The following RCAN2 variants were observed in gnomAD, a reference collection of about 807,000 sequenced individuals.
The protein encoded by RCAN2 is regulator of calcineurin 2.
Under a neutral mutation model 23.6 loss-of-function variants are expected in RCAN2, and 9 were observed. The ratio of observed to expected loss-of-function variants is 0.38; its 90% CI spans 0.23 to 0.67. RCAN2 has a LOEUF of 0.67. Ranked by LOEUF, RCAN2 falls within the 30% of genes least tolerant of loss-of-function variation. RCAN2 has a pLI of 0.51. For missense variants in RCAN2, 273 were observed against 302.3 expected, an observed-to-expected ratio of 0.90 and a Z score of 0.72; for synonymous variants, 109 against 115.7, an observed-to-expected ratio of 0.94 and a Z score of 0.37.
At chr6:46,273,608 A>T (rs1198911979) in intron 2 of RCAN2, among the ~76,000 whole-genome samples, 1 of 152,214 alleles carries the variant, frequency 6.6e-6, no homozygotes, top group Non-Finnish European at 1.5e-5. Context: ...CCTTTATCAC[A>T]TGAGAAAAAA....
chr6:46,471,865 T>G (rs1768565370), intron 1 of RCAN2, among the ~76,000 whole-genome samples: 1 of 152,070 alleles, frequency 6.6e-6, no homozygotes, highest in Admixed American at 6.6e-5. Flanking sequence ...GGAACCTTCT[T>G]CAACAGTCAA....
upstream of RCAN2, among the ~76,000 whole-genome samples, chr6:46,491,669 T>TA (rs1769159953): frequency 6.6e-6 from 1 of 151,642 alleles, no homozygotes; most frequent in African/African-American, 2.4e-5. Flanking sequence ...CCCCCTCCTT[T>TA]CCACTTCAGG....
chr6:46,473,651 T>C (rs1386805169), intron 1 of RCAN2, among the ~76,000 whole-genome samples: 1 of 152,200 alleles, frequency 6.6e-6, no homozygotes, highest in Admixed American at 6.5e-5. Context: ...AAACTATGCA[T>C]TATCCAAAAC....
intron 1 of RCAN2, among the ~76,000 whole-genome samples, chr6:46,474,513 G>C (rs772813299): frequency 6.6e-6 from 1 of 152,102 alleles, no homozygotes; most frequent in Non-Finnish European, 1.5e-5. Context: ...AGTTGGAGAG[G>C]GGCATATGGA....
chr6:46,403,990 G>A (rs1318592172), intron 2 of RCAN2, among the ~76,000 whole-genome samples: 1 of 152,172 alleles, frequency 6.6e-6, no homozygotes, highest in Non-Finnish European at 1.5e-5. Flanking sequence ...GGGAGGTCGA[G>A]GAGGGTGGAT....
chr6:46,484,162 T>A (rs1260815732), intron 1 of RCAN2, among the ~76,000 whole-genome samples: 2 of 152,284 alleles, frequency 1.3e-5, no homozygotes, highest in Admixed American at 6.5e-5. Flanking sequence ...TGGGGGAAAA[T>A]AATTCAAATT....
At chr6:46,385,209 A>T (rs1452978008) in intron 2 of RCAN2, among the ~76,000 whole-genome samples, 1 of 152,190 alleles carries the variant, frequency 6.6e-6, no homozygotes, top group African/African-American at 2.4e-5. Context: ...CAGGAGGATG[A>T]CTCCAACCCA....
chr6:46,381,664 G>T (rs1765619036), intron 2 of RCAN2, among the ~76,000 whole-genome samples: 1 of 152,124 alleles, frequency 6.6e-6, no homozygotes. Context: ...CTCAGGAAAG[G>T]CTCAGTCCAT....
intron 2 of RCAN2, among the ~76,000 whole-genome samples, chr6:46,250,399 T>C (rs1444671116): frequency 6.6e-6 from 1 of 152,212 alleles, no homozygotes; most frequent in East Asian, 1.9e-4. Context: ...ACAACCAACC[T>C]GATTCTTTTA....
intron 2 of RCAN2, among the ~76,000 whole-genome samples, chr6:46,456,392 A>G (rs948345485): frequency 1.3e-5 from 2 of 152,206 alleles, no homozygotes; most frequent in African/African-American, 2.4e-5. Flanking sequence ...TGAGAAAGGC[A>G]AATTATATTT....
Position 46,270,465 on chromosome 6 carries a change from C to T in RCAN2, c.226-21569G>A, listed in dbSNP as rs191935746. Among the ~76,000 whole-genome samples the T allele has an allele frequency of 2.6e-4, 39 of 152,222 alleles. No individual in the cohort carries two copies. In the East Asian group the frequency reaches 7.3e-3, roughly 29 times the overall value. ...AGCTGGCATCGTGGAGAAGGTGGGC[C>T]CCAGAGTCAGACTGAGCTTCTCGTC... On this transcript the variant is annotated intron_variant, in intron 2 of 4. Coordinates refer to ENST00000371374, the MANE Select transcript of RCAN2 (RefSeq NM_001251974.2).
chr6:46,474,325 C>G (rs1368578213), intron 1 of RCAN2, among the ~76,000 whole-genome samples: 1 of 152,070 alleles, frequency 6.6e-6, no homozygotes, highest in African/African-American at 2.4e-5. Flanking sequence ...GGAGTCCTGA[C>G]TGACACATGA....
chr6:46,244,601 T>G (rs563878177), intron 4 of RCAN2, among the ~76,000 whole-genome samples: 9 of 152,244 alleles, frequency 5.9e-5, no homozygotes, highest in African/African-American at 1.7e-4. Context: ...ATGAGTGAGC[T>G]GGAGTCCAGC....
intron 2 of RCAN2, among the ~76,000 whole-genome samples, chr6:46,305,396 C>A (rs16874552): frequency 6.6e-6 from 1 of 152,034 alleles, no homozygotes; most frequent in African/African-American, 2.4e-5. Flanking sequence ...CCTGTCATCA[C>A]GTTGGCTCCA....
intron 4 of RCAN2, among the ~76,000 whole-genome samples, chr6:46,245,653 TG>T (rs1171516415): frequency 6.6e-6 from 1 of 152,226 alleles, no homozygotes; most frequent in Non-Finnish European, 1.5e-5. Flanking sequence ...TGACTATTCT[TG>T]GTACTTGGCA....
intron 2 of RCAN2, among the ~76,000 whole-genome samples, chr6:46,326,371 A>G (rs2150364637): frequency 6.6e-6 from 1 of 152,322 alleles, no homozygotes; most frequent in East Asian, 1.9e-4. Context: ...GGGCAAACTC[A>G]CTGATGTGTC....
chr6:46,427,633 T>C (rs984917662), intron 2 of RCAN2, among the ~76,000 whole-genome samples: 1 of 152,208 alleles, frequency 6.6e-6, no homozygotes, highest in Non-Finnish European at 1.5e-5. Flanking sequence ...CTAATGAACA[T>C]TCTCATTGCT....
At chr6:46,252,675 G>T (rs187586251) in intron 2 of RCAN2, among the ~76,000 whole-genome samples, 61 of 152,192 alleles carry the variant, frequency 4.0e-4, no homozygotes, top group Admixed American at 1.1e-3. Context: ...TTTTCCAAAA[G>T]AAGAAAAAGT....
chr6:46,224,986 A>G (rs1258692133), intron 4 of RCAN2, among the ~76,000 whole-genome samples: 2 of 150,218 alleles, frequency 1.3e-5, no homozygotes, highest in South Asian at 2.1e-4. Flanking sequence ...CCTGTGTCCA[A>G]GTGTTCTCAT....
Sources: gnomAD v4.1 joint callset for allele counts (sites outside exome capture counted in the v4.1 genomes callset) on GRCh38, gnomAD v4.1.1 for gene constraint, MANE v1.5 for transcripts, NCBI Gene and HGNC (gene_info 2026-07-23, HGNC 2026-07-21) for gene names.